The following CHST9 variants were observed in gnomAD, a reference collection of about 807,000 sequenced individuals.
The protein encoded by CHST9 is carbohydrate sulfotransferase 9.
CHST9 carries 41 observed loss-of-function variants against 44.4 expected under a neutral mutation model. The ratio of observed to expected loss-of-function variants is 0.92; its 90% confidence interval spans 0.72 to 1.20. The LOEUF is 1.20. Ranked by LOEUF, CHST9 falls within the 50% of genes most tolerant of loss-of-function variation. The pLI is 0.00. For missense variants in CHST9, 504 were observed against 516.5 expected, an observed-to-expected ratio of 0.98 and a Z score of 0.23; for synonymous variants, 171 against 178.4, an observed-to-expected ratio of 0.96 and a Z score of 0.33.
chr18:26,999,026 T>G (rs762915324), intron 4 of CHST9, among the ~76,000 whole-genome samples: 35 of 152,180 alleles, frequency 2.3e-4, no homozygotes, highest in Non-Finnish European at 4.4e-4. Context: ...ATCATTTCAG[T>G]TGAAAGAATT....
chr18:26,985,885 C>CT (rs1369565169), intron 4 of CHST9, among the ~76,000 whole-genome samples: 1 of 152,158 alleles, frequency 6.6e-6, no homozygotes, highest in Non-Finnish European at 1.5e-5. Flanking sequence ...CGAGAAGGTC[C>CT]TGCCTCAGTG....
intron 4 of CHST9, among the ~76,000 whole-genome samples, chr18:26,953,457 G>A (rs1429852231): frequency 6.6e-6 from 1 of 152,004 alleles, no homozygotes; most frequent in Non-Finnish European, 1.5e-5. Context: ...ACATTAAACT[G>A]GTAAATAAAT....
intron 1 of CHST9, among the ~76,000 whole-genome samples, chr18:27,158,554 A>G (rs2058717233): frequency 6.6e-6 from 1 of 151,824 alleles, no homozygotes; most frequent in Non-Finnish European, 1.5e-5. Flanking sequence ...GAATAGTGCC[A>G]CAATAAACAT....
chr18:27,026,991 T>G (rs2057291444), intron 3 of CHST9, among the ~76,000 whole-genome samples: 2 of 152,224 alleles, frequency 1.3e-5, no homozygotes, highest in South Asian at 4.1e-4. Flanking sequence ...AATAAGTGAA[T>G]AGGTCTAGAG....
chr18:27,004,181 G>T (rs1598630968), intron 4 of CHST9, among the ~76,000 whole-genome samples: 1 of 151,964 alleles, frequency 6.6e-6, no homozygotes. Context: ...TGAAAGATAG[G>T]CTTGTAAAAA....
At chr18:27,168,364 G>A (rs1439847721) in intron 1 of CHST9, among the ~76,000 whole-genome samples, 1 of 152,064 alleles carries the variant, frequency 6.6e-6, no homozygotes, top group East Asian at 1.9e-4. Flanking sequence ...GTGAGCCACC[G>A]CGCCCAGCCT....
intron 2 of CHST9, among the ~76,000 whole-genome samples, chr18:27,088,010 C>T (rs952326342): frequency 5.3e-5 from 8 of 152,186 alleles, no homozygotes; most frequent in African/African-American, 1.9e-4. Context: ...CGCTCCTTTT[C>T]AAAGACTGGA....
intron 4 of CHST9, among the ~76,000 whole-genome samples, chr18:26,973,225 A>G (rs1321744400): frequency 2.6e-5 from 4 of 152,028 alleles, no homozygotes; most frequent in South Asian, 4.2e-4. Context: ...TCAATGGTCT[A>G]TTTCTTACTG....
In CHST9 at chr18:26,910,055, A is replaced by G. The variant is rs1465702766; in HGVS notation, c.*6204T>C. On this transcript the variant is annotated 3_prime_UTR_variant, in exon 6 of 6. Transcript: ENST00000618847. ...CAGTCTAGAGGCAGCAGTGGGAGCC[A>G]GTTTCTGTCCCTAGATACTAGAGCT... 1 of 152,180 alleles carries G rather than the reference A, an allele frequency of 6.6e-6. No individual in the cohort carries two copies. Among genetic ancestry groups the G allele is most frequent in the Non-Finnish European group, 1.5e-5 (1 of 68,048 alleles). 9.4% of individuals were successfully genotyped at this position (152,180 alleles called of 1,614,324 possible).
chr18:27,183,554 G>T (rs947818448), intron 1 of CHST9, among the ~76,000 whole-genome samples: 1 of 152,058 alleles, frequency 6.6e-6, no homozygotes, highest in African/African-American at 2.4e-5. Context: ...GAGGTAAGAG[G>T]AACATTCTTC....
At chr18:27,149,212 G>A (rs556006613) in intron 1 of CHST9, among the ~76,000 whole-genome samples, 1 of 142,418 alleles carries the variant, frequency 7.0e-6, no homozygotes, top group African/African-American at 2.6e-5. Flanking sequence ...GTAGGTGCCT[G>A]TTCACTCTGA....
At chr18:27,028,726 T>G (rs1247927019) in intron 3 of CHST9, among the ~76,000 whole-genome samples, 1 of 151,940 alleles carries the variant, frequency 6.6e-6, no homozygotes. Context: ...TTTTTTGTAT[T>G]TTTAGTACAG....
At chr18:27,028,351 A>G (rs757661447) in intron 3 of CHST9, among the ~76,000 whole-genome samples, 14 of 152,196 alleles carry the variant, frequency 9.2e-5, no homozygotes, top group Non-Finnish European at 1.9e-4. Flanking sequence ...TGAACTAGCA[A>G]AACTGGCACA....
chr18:27,044,604 A>G (rs1252545711), intron 3 of CHST9, among the ~76,000 whole-genome samples: 2 of 152,060 alleles, frequency 1.3e-5, no homozygotes, highest in South Asian at 2.1e-4. Context: ...TGCTAACTTC[A>G]TATGTTTAAT....
rs1011434265 is a variant in CHST9, at chr18:26,912,465, G to T, written c.*3794C>A. ...TTCAGGATTCCAATATATTGTTTTT[G>T]CCTCTACCTATCCTGAATAGAGGTA... is the stretch of plus-strand genomic sequence containing the variant. On this transcript the variant is annotated 3_prime_UTR_variant, in exon 6 of 6. Transcript: ENST00000618847. 2 of 151,024 alleles carry T rather than the reference G, an allele frequency of 1.3e-5. No homozygotes were observed. Among genetic ancestry groups the T allele is most frequent in the African/African-American group, 4.9e-5 (2 of 40,970 alleles). The allele number at this position is 151,024 out of a possible 1,614,324, so 9.4% of individuals were successfully genotyped here. A position where few individuals can be genotyped will look rare whatever the true frequency, so the allele number is the denominator to read the frequency against.
chr18:27,065,468 T>A (rs2057771409), intron 2 of CHST9, among the ~76,000 whole-genome samples: 1 of 152,180 alleles, frequency 6.6e-6, no homozygotes, highest in African/African-American at 2.4e-5. Context: ...AATTCCCTGA[T>A]TCCTTAAAAA....
chr18:26,928,240 C>T (rs956707902), intron 5 of CHST9: 1 of 153,702 alleles, frequency 6.5e-6, no homozygotes, highest in Non-Finnish European at 1.4e-5. Flanking sequence ...TTTCCCCACA[C>T]ACAGGCAAGG....
At chr18:27,069,746 A>G (rs1178328108) in intron 2 of CHST9, among the ~76,000 whole-genome samples, 1 of 152,212 alleles carries the variant, frequency 6.6e-6, no homozygotes, top group Non-Finnish European at 1.5e-5. Context: ...CTATTGCTAC[A>G]AAATGAAAAT....
chr18:26,928,072 C>A (rs1270948038), intron 5 of CHST9, among the ~76,000 whole-genome samples: 11 of 152,122 alleles, frequency 7.2e-5, no homozygotes, highest in Admixed American at 7.2e-4. Context: ...AACGTTGAGT[C>A]GACACAGCAC....
Sources: allele counts gnomAD v4.1 joint callset (sites outside exome capture counted in the v4.1 genomes callset), GRCh38; gene constraint gnomAD v4.1.1; transcripts MANE v1.5; gene names NCBI Gene and HGNC (gene_info 2026-07-23, HGNC 2026-07-21).